HRH2: variants seen among roughly 807,000 people sequenced by gnomAD.
HRH2 encodes the protein histamine H2 receptor.
In HRH2, 4 loss-of-function variants were observed where a neutral mutation model predicts 20.1. The observed-to-expected ratio is 0.20, with a 90% CI of 0.10 to 0.45. The LOEUF (loss-of-function observed/expected upper bound fraction) is 0.45, where lower values mean the gene tolerates loss of function less well. HRH2 is among the 20% of genes least tolerant of loss of function. The pLI is 0.99. For synonymous variants in HRH2, 197 were observed against 200.7 expected, an observed-to-expected ratio of 0.98 and a Z score of 0.16; for missense variants, 250 against 461.6, an observed-to-expected ratio of 0.54 and a Z score of 4.20.
At chr5:175,682,268 G>C (rs1372274913) in intron 1 of HRH2, among the ~76,000 whole-genome samples, 2 of 152,202 alleles carry the variant, frequency 1.3e-5, no homozygotes, top group Non-Finnish European at 2.9e-5. Flanking sequence ...CACCAGATAT[G>C]GTTCTCAGCA....
At chr5:175,697,149 T>C (rs1250824224) in intron 2 of HRH2, among the ~76,000 whole-genome samples, 1 of 152,138 alleles carries the variant, frequency 6.6e-6, no homozygotes, top group African/African-American at 2.4e-5. Flanking sequence ...GTCACACATT[T>C]CGCCTGAAGT....
chr5:175,696,506 GAGA>G (rs1756583287), intron 2 of HRH2, among the ~76,000 whole-genome samples: 3 of 152,260 alleles, frequency 2.0e-5, no homozygotes, highest in African/African-American at 2.4e-5. Flanking sequence ...ATCTGTTAGA[GAGA>G]AGAACAGGAT....
At chr5:175,666,304 A>T (rs1762891246) in intron 1 of HRH2, among the ~76,000 whole-genome samples, 1 of 152,182 alleles carries the variant, frequency 6.6e-6, no homozygotes, top group South Asian at 2.1e-4. Context: ...CTGGGGCGTC[A>T]TTGGGCTCTC....
At chr5:175,666,302 T>C (rs1762891129) in intron 1 of HRH2, among the ~76,000 whole-genome samples, 1 of 152,100 alleles carries the variant, frequency 6.6e-6, no homozygotes, top group African/African-American at 2.4e-5. Flanking sequence ...ATCTGGGGCG[T>C]CATTGGGCTC....
At chr5:175,664,421 C>T (rs1762826129) in intron 1 of HRH2, among the ~76,000 whole-genome samples, 1 of 152,136 alleles carries the variant, frequency 6.6e-6, no homozygotes, top group Non-Finnish European at 1.5e-5. Context: ...CATGGGAATG[C>T]AGCAGATAGA....
At chr5:175,689,793 A>G (rs796439670) in intron 2 of HRH2, among the ~76,000 whole-genome samples, 3 of 152,342 alleles carry the variant, frequency 2.0e-5, no homozygotes, top group African/African-American at 7.2e-5. Context: ...CTTCTGCCCA[A>G]TAGCACAGAC....
chr5:175,683,085 C>G lies in HRH2; in HGVS notation c.-149C>G, dbSNP rs900467634. ...TCAGTCATTGAAGCCTTCCCCACCC[C>G]CTGGCCAAAAAAAAAAAAAAAAAAA... is the stretch of plus-strand genomic sequence containing the variant. On this transcript the variant is annotated 5_prime_UTR_variant, in exon 2 of 3. Transcript: ENST00000636584. 16 of 955,474 alleles carry G rather than the reference C, an allele frequency of 1.7e-5. No homozygotes were observed. Among genetic ancestry groups the G allele is most frequent in the African/African-American group, 1.2e-4 (6 of 48,120 alleles). 59.2% of individuals were successfully genotyped at this position (955,474 alleles called of 1,614,324 possible).
At chr5:175,663,721 C>T (rs966324743) in intron 1 of HRH2, among the ~76,000 whole-genome samples, 9 of 152,216 alleles carry the variant, frequency 5.9e-5, no homozygotes, top group Non-Finnish European at 8.8e-5. Flanking sequence ...CCAGAGAGGC[C>T]CTCCCTGTCC....
intron 2 of HRH2, among the ~76,000 whole-genome samples, chr5:175,700,135 T>C (rs890864390): frequency 6.6e-6 from 1 of 152,138 alleles, no homozygotes; most frequent in East Asian, 1.9e-4. Flanking sequence ...TCCTATTCAC[T>C]CCTAGCATGC....
Position 175,670,759 on chromosome 5 carries a change from A to G in HRH2, c.-525-11950A>G, listed in dbSNP as rs1755504448. ...TGGAGAGTCTACATGATTAATCCTA[A>G]TCCCTACCCTCATTGCTGGCCAAAG... On this transcript the variant is annotated intron_variant, in intron 1 of 2. Transcript: ENST00000636584. Among the ~76,000 whole-genome samples, 3 of 152,272 alleles carry G rather than the reference A, an allele frequency of 2.0e-5. No individual in the cohort carries two copies. In the South Asian group the frequency reaches 6.2e-4, roughly 32 times the overall value.
chr5:175,671,755 C>T (rs1034127964), intron 1 of HRH2, among the ~76,000 whole-genome samples: 3 of 152,120 alleles, frequency 2.0e-5, no homozygotes, highest in Non-Finnish European at 2.9e-5. Flanking sequence ...GTCAAATAGC[C>T]ATATACAAAT....
chr5:175,701,015 A>G (rs1756773740), intron 2 of HRH2, among the ~76,000 whole-genome samples: 1 of 152,250 alleles, frequency 6.6e-6, no homozygotes, highest in Admixed American at 6.5e-5. Flanking sequence ...AGGATAACAC[A>G]TACAGATGGT....
chr5:175,702,039 C>G (rs904895934), intron 2 of HRH2, among the ~76,000 whole-genome samples: 1 of 152,180 alleles, frequency 6.6e-6, no homozygotes, highest in Non-Finnish European at 1.5e-5. Context: ...GTACTAGAGT[C>G]TACACAGCAT....
Position 175,683,990 on chromosome 5 carries a change from G to A in HRH2, c.757G>A (p.Ala253Thr), listed in dbSNP as rs776101250. The A allele has an allele frequency of 1.2e-5, 19 of 1,614,158 alleles. No individual in the cohort carries two copies. Among genetic ancestry groups the A allele is most frequent in the Middle Eastern group, 1.6e-4 (1 of 6,062 alleles). ...CATCTGCTGGTTTCCCTACTTCACC[G>A]CGTTTGTGTACCGTGGGCTGAGAGG... ...FIICWFPYFT[A>T]FVYRGLRGDD... The change falls in exon 2 of 3, where the codon GCG becomes ACG. Residue 253 changes from alanine to threonine, a missense_variant. Transcript: ENST00000636584.
chr5:175,700,057 C>T (rs192282714), intron 2 of HRH2, among the ~76,000 whole-genome samples: 15 of 152,260 alleles, frequency 9.9e-5, no homozygotes, highest in South Asian at 4.1e-4. Flanking sequence ...TTGTGTGAGA[C>T]CCAGCAGCAG....
rs1156426032 is a variant in HRH2 at position 175,683,359 on chromosome 5, C to T, written c.126C>T (p.Ala42=). The change falls in exon 2 of 3, where the codon GCC becomes GCT. Residue 42 remains alanine (A), a synonymous_variant. Coordinates refer to ENST00000636584, the MANE Select transcript of HRH2 (RefSeq NM_001367711.1). ...TVAGNVVVCL[A]VGLNRRLRNL... The stretch of plus-strand genomic sequence containing the variant: ...CTGGCAATGTGGTCGTCTGTCTGGC[C>T]GTGGGCTTGAACCGCCGGCTCCGCA... The T allele has an allele frequency of 1.3e-5, 21 of 1,614,042 alleles. No individual in the cohort carries two copies. The highest frequency in any genetic ancestry group is 1.1e-4 in the East Asian group (5 of 44,888).
At chr5:175,679,121 C>T (rs1755866349) in intron 1 of HRH2, among the ~76,000 whole-genome samples, 1 of 152,166 alleles carries the variant, frequency 6.6e-6, no homozygotes, top group Admixed American at 6.5e-5. Flanking sequence ...ACCCTCCAAG[C>T]CCTCATCTTC....
chr5:175,667,005 T>C (rs1032395782), intron 1 of HRH2, among the ~76,000 whole-genome samples: 3 of 151,334 alleles, frequency 2.0e-5, no homozygotes, highest in African/African-American at 7.4e-5. Context: ...GTTTTCTTTT[T>C]GCAAATAAAG....
chr5:175,666,147 T>TGGGAACTGAGACCCC (rs1762884385), intron 1 of HRH2, among the ~76,000 whole-genome samples: 1 of 152,118 alleles, frequency 6.6e-6, no homozygotes, highest in South Asian at 2.1e-4. Flanking sequence ...CCTGAGGCCC[T>TGGGAACTGAGACCCC]GGGATCTGAG....
Sources: gnomAD v4.1 joint callset for allele counts (sites outside exome capture counted in the v4.1 genomes callset) on GRCh38, gnomAD v4.1.1 for gene constraint, MANE v1.5 for transcripts, NCBI Gene and HGNC (gene_info 2026-07-23, HGNC 2026-07-21) for gene names.